ADGRB1: variants seen among roughly 807,000 people sequenced by gnomAD.
The protein encoded by ADGRB1 is adhesion G protein-coupled receptor B1, also known as brain-specific angiogenesis inhibitor 1.
In ADGRB1, 36 loss-of-function variants were observed where a neutral mutation model predicts 175.7. The observed-to-expected ratio is 0.20, with a 90% CI of 0.16 to 0.27. The LOEUF (loss-of-function observed/expected upper bound fraction) is 0.27, where lower values mean the gene tolerates loss of function less well. Among genes scored for constraint, ADGRB1 ranks in the 10% least tolerant of loss-of-function variants. ADGRB1 has a pLI of 1.00. For synonymous variants in ADGRB1, 1,054 were observed against 979.4 expected (o/e 1.08, Z -1.42); for missense variants, 1,731 against 2,255.3 (o/e 0.77, Z 4.71).
chr8:142,483,598 C>G (rs563257371), intron 11 of ADGRB1, among the ~76,000 whole-genome samples: 1 of 148,034 alleles, frequency 6.8e-6, no homozygotes, highest in South Asian at 2.2e-4. Context: ...AGCCCTTATC[C>G]TGGTCACACT....
At chr8:142,535,817 C>A (rs906924946) in intron 25 of ADGRB1, among the ~76,000 whole-genome samples, 2 of 152,008 alleles carry the variant, frequency 1.3e-5, no homozygotes, top group Non-Finnish European at 2.9e-5. Flanking sequence ...TAGGCATTTG[C>A]GGGGCAGGTC....
At chr8:142,534,300 C>T (rs577417334) in intron 25 of ADGRB1, among the ~76,000 whole-genome samples, 148 of 152,332 alleles carry the variant, frequency 9.7e-4, no homozygotes, top group African/African-American at 3.5e-3. Flanking sequence ...GTTTTCCGGC[C>T]TTAGGTGGCG....
intron 13 of ADGRB1, among the ~76,000 whole-genome samples, chr8:142,486,284 A>T (rs957298924): frequency 1.3e-5 from 2 of 152,194 alleles, no homozygotes; most frequent in African/African-American, 4.8e-5. Context: ...TGCAAACCAG[A>T]TGAAAGGAAT....
At chr8:142,502,998 G>T (rs1428097503) in intron 17 of ADGRB1, among the ~76,000 whole-genome samples, 2 of 151,878 alleles carry the variant, frequency 1.3e-5, no homozygotes, top group Non-Finnish European at 2.9e-5. Context: ...ACATGGAGGG[G>T]GTGGTGGCGA....
chr8:142,537,596 C>G lies in ADGRB1; in HGVS notation c.3666+514C>G, dbSNP rs1488215963. On this transcript the variant is annotated intron_variant, in intron 26 of 30. Coordinates refer to ENST00000517894, the MANE Select transcript of ADGRB1 (RefSeq NM_001702.3). The surrounding 1 kb of genome is among the most constrained non-coding windows in gnomAD (Gnocchi z 4.6). Reference sequence around the variant, plus strand: ...CTCAGCCCCTGCAGGGTGACTCTCCCTTGTGGCCCCTGGCCATCCTGCCTT... The same window carrying G: ...CTCAGCCCCTGCAGGGTGACTCTCCGTTGTGGCCCCTGGCCATCCTGCCTT... Among the ~76,000 whole-genome samples the G allele has an allele frequency of 2.0e-5, 3 of 152,102 alleles. No homozygotes were observed. The highest frequency in any genetic ancestry group is 4.4e-5 in the Non-Finnish European group (3 of 67,994).
At chr8:142,535,431 G>A (rs928601466) in intron 25 of ADGRB1, among the ~76,000 whole-genome samples, 1 of 152,220 alleles carries the variant, frequency 6.6e-6, no homozygotes, top group Non-Finnish European at 1.5e-5. Flanking sequence ...CAGCCCCTGT[G>A]TGTGGGCTCC....
intron 19 of ADGRB1, among the ~76,000 whole-genome samples, chr8:142,519,901 T>A (rs1435825118): frequency 6.7e-6 from 1 of 150,146 alleles, no homozygotes; most frequent in Admixed American, 6.6e-5. Context: ...GTTGTGTTGG[T>A]GTTGGTGGTG....
chr8:142,475,701 G>GT (rs1343091806), intron 3 of ADGRB1, 66 bp downstream of exon 3: 1 of 1,211,048 alleles, frequency 8.3e-7, no homozygotes, highest in Admixed American at 4.3e-5. Context: ...GGGAGGAGAG[G>GT]GGGGTGGGGC....
chr8:142,477,044 C>T (rs370462705), intron 4 of ADGRB1, 70 bp from the exon 5 acceptor site: 69 of 1,430,442 alleles, frequency 4.8e-5, no homozygotes, highest in African/African-American at 1.9e-4. Context: ...CCTCCTGCTG[C>T]GGGGTCTGGC....
intron 27 of ADGRB1, 151 bp downstream of exon 27, chr8:142,539,564 A>T: frequency 1.1e-6 from 1 of 941,954 alleles, no homozygotes; most frequent in South Asian, 1.6e-5. Flanking sequence ...GCCCACCTGG[A>T]CCCAGGGGAC....
Position 142,522,621 on chromosome 8 carries a change from T to C in ADGRB1, c.3176-20T>C, listed in dbSNP as rs970983074. On this transcript the variant is annotated intron_variant, in intron 21 of 30. Coordinates refer to ENST00000517894, the MANE Select transcript of ADGRB1 (RefSeq NM_001702.3). ...GGGGACTTGGGTGGGGCCAACACCC[T>C]CTCTCTGCTCCTTCTCCAGGGCTCC... is the stretch of plus-strand genomic sequence containing the variant. 6.5e-7 allele frequency: 1 copy of C among 1,543,794 alleles called. No individual in the cohort carries two copies. The highest frequency in any genetic ancestry group is 2.1e-5 in the Admixed American group (1 of 47,886).
intron 1 of ADGRB1, among the ~76,000 whole-genome samples, chr8:142,461,611 C>T (rs971674813): frequency 6.6e-6 from 1 of 152,334 alleles, no homozygotes; most frequent in African/African-American, 2.4e-5. Flanking sequence ...CCTGGCACCG[C>T]AGGCCCCTAG....
At chr8:142,451,937 C>T (rs1370095593) in intron 1 of ADGRB1, among the ~76,000 whole-genome samples, 1 of 152,128 alleles carries the variant, frequency 6.6e-6, no homozygotes, top group African/African-American at 2.4e-5. Flanking sequence ...CCGCCGAGTC[C>T]GGCTTTGAGT....
rs760260047 is a variant in ADGRB1 at position 142,543,617 on chromosome 8, G to C, written c.4466G>C (p.Arg1489Pro). Residue 1489 changes from arginine (R) to proline (P), a missense_variant, in exon 30 of 31, where the codon CGG becomes CCG. Physicochemically the swap from Arg to Pro is moderately radical, Grantham distance 103. Coordinates refer to ENST00000517894, the MANE Select transcript of ADGRB1 (RefSeq NM_001702.3). The surrounding 1 kb of genome is among the most constrained non-coding windows in gnomAD (Gnocchi z 4.4). ...ELDFEKIMHT[R>P]KRHQDMFQDL... is the part of the protein sequence containing the mutation. The stretch of plus-strand genomic sequence containing the variant: ...CGCCTGCAGAAGATCATGCACACCC[G>C]GAAGCGGCACCAAGACATGTTCCAG... The C allele has an allele frequency of 6.4e-7, 1 of 1,570,568 alleles. No homozygotes were observed. Among genetic ancestry groups the C allele is most frequent in the Admixed American group, 1.9e-5 (1 of 53,374 alleles).
chr8:142,542,707 G>A lies in ADGRB1; in HGVS notation c.4413+60G>A, dbSNP rs1845353321. 1 of 1,447,472 alleles carries A rather than the reference G, an allele frequency of 6.9e-7. No individual in the cohort carries two copies. Among genetic ancestry groups the A allele is most frequent in the Non-Finnish European group, 9.3e-7 (1 of 1,079,878 alleles). The allele number at this position is 1,447,472 out of a possible 1,614,324, so 89.7% of individuals were successfully genotyped here. Reference sequence around the variant, plus strand: ...GCGAGGGCAGGGCTGCAGCAGCTGGGTCACCCCTGCTGGGTGGGACCCCCA... The same window carrying A: ...GCGAGGGCAGGGCTGCAGCAGCTGGATCACCCCTGCTGGGTGGGACCCCCA... On this transcript the variant is annotated intron_variant, in intron 28 of 30. Coordinates refer to ENST00000517894, the MANE Select transcript of ADGRB1 (RefSeq NM_001702.3). The surrounding 1 kb of genome is among the most constrained non-coding windows in gnomAD (Gnocchi z 6.3).
intron 14 of ADGRB1, 111 bp from the exon 15 acceptor site, chr8:142,488,924 C>T: frequency 7.5e-7 from 1 of 1,338,262 alleles, no homozygotes. Flanking sequence ...CTGGACGCGA[C>T]CTTGAAGATG....
At chr8:142,489,596 C>G (rs968093255) in intron 16 of ADGRB1, among the ~76,000 whole-genome samples, 158 bp downstream of exon 16, 4 of 152,192 alleles carry the variant, frequency 2.6e-5, no homozygotes, top group African/African-American at 9.7e-5. Context: ...GAAACAGGCT[C>G]AGAGAGGTGC....
intron 11 of ADGRB1, among the ~76,000 whole-genome samples, chr8:142,483,718 C>CTGCA (rs1841511086): frequency 1.3e-5 from 1 of 78,030 alleles, no homozygotes; most frequent in Admixed American, 1.5e-4. Context: ...GAACCCTGAC[C>CTGCA]CTGGTCACAT....
chr8:142,476,204 C>T (rs1417095510), intron 3 of ADGRB1, among the ~76,000 whole-genome samples: 2 of 152,140 alleles, frequency 1.3e-5, no homozygotes, highest in Admixed American at 6.5e-5. Flanking sequence ...CTGTTTTTTC[C>T]TTGGTGAACT....
Sources: gnomAD v4.1 joint callset for allele counts (sites outside exome capture counted in the v4.1 genomes callset) on GRCh38, gnomAD v4.1.1 for gene constraint, Gnocchi (gnomAD v3.1) non-coding constraint, MANE v1.5 for transcripts, NCBI Gene and HGNC (gene_info 2026-07-23, HGNC 2026-07-21) for gene names.